The following ADAMTS18 variants were observed in gnomAD, a reference collection of about 807,000 sequenced individuals.
The protein encoded by ADAMTS18 is A disintegrin and metalloproteinase with thrombospondin motifs 18.
A neutral mutation model predicts 165.9 loss-of-function variants in ADAMTS18; 157 were observed. The observed-to-expected ratio is 0.95, with a 90% CI of 0.83 to 1.08. ADAMTS18 has a LOEUF of 1.08. Among genes scored for constraint, ADAMTS18 ranks in the 50% least tolerant of loss-of-function variants. ADAMTS18 has a pLI of 0.00. For missense variants in ADAMTS18, 2,040 were observed against 1,534.0 expected, an observed-to-expected ratio of 1.33 and a Z score of -5.51; for synonymous variants, 782 against 578.2, an observed-to-expected ratio of 1.35 and a Z score of -5.06.
intron 16 of ADAMTS18, among the ~76,000 whole-genome samples, chr16:77,313,740 G>A (rs1028021249): frequency 5.3e-5 from 8 of 152,134 alleles, no homozygotes; most frequent in African/African-American, 1.2e-4. Flanking sequence ...GTGTACATTT[G>A]CTTTGAGGTG....
intron 3 of ADAMTS18, among the ~76,000 whole-genome samples, chr16:77,417,640 T>G (rs1367383017): frequency 6.6e-6 from 1 of 152,204 alleles, no homozygotes; most frequent in Non-Finnish European, 1.5e-5. Context: ...TGGCGACTAT[T>G]TTTAAAAGAA....
chr16:77,415,178 C>T (rs1567551359), intron 3 of ADAMTS18, among the ~76,000 whole-genome samples: 1 of 152,322 alleles, frequency 6.6e-6, no homozygotes, highest in South Asian at 2.1e-4. Flanking sequence ...AGGCAAATTG[C>T]CCATTGCGTC....
rs142993516 is a variant in ADAMTS18 at position 77,287,612 on chromosome 16, C to T, written c.3550+1652G>A. On this transcript the variant is annotated intron_variant, in intron 22 of 22. Transcript: ENST00000282849. ...CCCACCTCCCCAGTAGCTAGGCCTA[C>T]GGGCACCTGCCACCACACCCAGCTA... 3.0e-3 allele frequency among the ~76,000 whole-genome samples: 459 copies of T among 152,196 alleles called. 4 individuals are homozygous for T. The highest frequency in any genetic ancestry group is 0.01 in the African/African-American group (432 of 41,544).
chr16:77,397,526 G>A (rs143538858), intron 3 of ADAMTS18, among the ~76,000 whole-genome samples: 5 of 152,336 alleles, frequency 3.3e-5, no homozygotes, highest in African/African-American at 9.6e-5. Flanking sequence ...AGATAGTTAT[G>A]TAGGTCTCAT....
At chr16:77,381,521 C>T (rs1211580574) in intron 3 of ADAMTS18, among the ~76,000 whole-genome samples, 2 of 151,976 alleles carry the variant, frequency 1.3e-5, no homozygotes, top group South Asian at 2.1e-4. Flanking sequence ...ATCAGAGAGT[C>T]GGCTGGGTGG....
intron 16 of ADAMTS18, among the ~76,000 whole-genome samples, chr16:77,310,344 C>G (rs77784215): frequency 0.034 from 5,208 of 152,252 alleles, 108 homozygotes; most frequent in South Asian, 0.052. Flanking sequence ...TGGGGGTGCT[C>G]TAAAAGTACT....
At chr16:77,376,545 T>A (rs897607083) in intron 3 of ADAMTS18, among the ~76,000 whole-genome samples, 3 of 152,124 alleles carry the variant, frequency 2.0e-5, no homozygotes, top group African/African-American at 7.2e-5. Flanking sequence ...GGGAAAGGAC[T>A]GGGTTGCGCC....
At chr16:77,326,153 G>T in intron 12 of ADAMTS18, 115 bp from the exon 13 acceptor site, 2 of 998,624 alleles carry the variant, frequency 2.0e-6, no homozygotes, top group South Asian at 1.4e-5. Context: ...GTATGCAAAG[G>T]CATACAGTCT....
At position 77,295,092 on chromosome 16, in the gene ADAMTS18, G is replaced by A. The variant is rs78646516; in HGVS notation, c.2837C>T (p.Ala946Val). ...TCGGCTCTGCTGGCCTCCAGCACAG[G>A]CCTTGCTGCATGTACTCCATTCACC... ...MPGEWSTCSK[A>V]CAGGQQSRKI... The change falls in exon 19 of 23, where the codon GCC becomes GTC. Residue 946 changes from alanine to valine, a missense_variant. Transcript: ENST00000282849. 3 of 1,614,150 alleles carry A rather than the reference G, an allele frequency of 1.9e-6. No individual in the cohort carries two copies. In the African/African-American group the frequency reaches 4.0e-5, roughly 22 times the overall value.
At position 77,289,406 on chromosome 16, in the gene ADAMTS18, T is replaced by G. The variant is rs566179595; in HGVS notation, c.3408A>C (p.Thr1136=). 3 of 1,614,062 alleles carry G rather than the reference T, an allele frequency of 1.9e-6. No individual in the cohort carries two copies. The Admixed American group carries it at 5.0e-5, about 27-fold the overall frequency. ...TCTGGACCCCTCCCCCACAGGTGAC[T>G]GTGCACTGCAGCAGAGAGAAGAGGA... ...GWYSLPWQQC[T]VTCGGGVQTR... The change falls in exon 22 of 23, where the codon ACA becomes ACC. Residue 1136 remains threonine, a synonymous_variant. Transcript: ENST00000282849.
chr16:77,421,836 A>G (rs1054190096), intron 3 of ADAMTS18, among the ~76,000 whole-genome samples: 2 of 152,210 alleles, frequency 1.3e-5, no homozygotes, highest in African/African-American at 4.8e-5. Flanking sequence ...TTTCAGCAGC[A>G]TCACAAAAAA....
At chr16:77,329,290 C>T (rs1023125778) in intron 12 of ADAMTS18, among the ~76,000 whole-genome samples, 8 of 151,962 alleles carry the variant, frequency 5.3e-5, no homozygotes, top group Admixed American at 4.6e-4. Flanking sequence ...AATTTTTATA[C>T]AGATGAGGGG....
rs773433771 is a variant in ADAMTS18 at position 77,359,347 on chromosome 16, G to A, written c.1293C>T (p.Ala431=). 1.9e-6 allele frequency: 3 copies of A among 1,613,986 alleles called. No individual in the cohort carries two copies. Among genetic ancestry groups the A allele is most frequent in the Non-Finnish European group, 2.5e-6 (3 of 1,180,028 alleles). Residue 431 remains alanine, a synonymous_variant, in exon 8 of 23, where the codon GCC becomes GCT. Transcript: ENST00000282849. Reference sequence around the variant, plus strand: ...GCCCTGACTCATGAGCGATGGTGAAGGCAAGGCCAAGTCCTGTGTCCTCAT... The same window carrying A: ...GCCCTGACTCATGAGCGATGGTGAAAGCAAGGCCAAGTCCTGTGTCCTCAT... ...TINEDTGLGL[A]FTIAHESGHN...
intron 3 of ADAMTS18, among the ~76,000 whole-genome samples, chr16:77,389,653 C>T (rs1022206295): frequency 6.6e-6 from 1 of 152,138 alleles, no homozygotes; most frequent in Admixed American, 6.5e-5. Context: ...ACTCAAGGCA[C>T]CTGATAAATT....
intron 9 of ADAMTS18, among the ~76,000 whole-genome samples, chr16:77,355,211 T>TGC (rs1343727417): frequency 1.3e-5 from 2 of 151,372 alleles, no homozygotes; most frequent in African/African-American, 2.4e-5. Flanking sequence ...ATTGTGTGTG[T>TGC]GTGTGTGTGT....
At chr16:77,380,658 C>A (rs903597769) in intron 3 of ADAMTS18, among the ~76,000 whole-genome samples, 1 of 152,104 alleles carries the variant, frequency 6.6e-6, no homozygotes, top group African/African-American at 2.4e-5. Flanking sequence ...CAGCCATAAC[C>A]TATGCTTCAG....
At chr16:77,360,949 G>A (rs1186064079) in intron 7 of ADAMTS18, among the ~76,000 whole-genome samples, 1 of 152,068 alleles carries the variant, frequency 6.6e-6, no homozygotes, top group East Asian at 1.9e-4. Context: ...AGCCAGGTGT[G>A]GTGGTGGGTG....
chr16:77,408,141 C>T (rs561421188), intron 3 of ADAMTS18, among the ~76,000 whole-genome samples: 1 of 152,094 alleles, frequency 6.6e-6, no homozygotes, highest in Non-Finnish European at 1.5e-5. Flanking sequence ...ATCAGAGAGA[C>T]ACAGATTTAC....
At chr16:77,408,858 A>G (rs2057425127) in intron 3 of ADAMTS18, among the ~76,000 whole-genome samples, 1 of 152,144 alleles carries the variant, frequency 6.6e-6, no homozygotes, top group Non-Finnish European at 1.5e-5. Context: ...TTCACTCTCC[A>G]TGGTTTCAGT....
Sources: allele counts gnomAD v4.1 joint callset (sites outside exome capture counted in the v4.1 genomes callset), GRCh38; gene constraint gnomAD v4.1.1; transcripts MANE v1.5; gene names NCBI Gene and HGNC (gene_info 2026-07-23, HGNC 2026-07-21).